CLSTN3: variants seen among roughly 807,000 people sequenced by gnomAD.
CLSTN3 encodes calsyntenin 3, also known as calsyntenin-3.
Under a neutral mutation model 95.9 loss-of-function variants are expected in CLSTN3, and 36 were observed. The ratio of observed to expected loss-of-function variants is 0.38; its 90% CI spans 0.29 to 0.50. The LOEUF (loss-of-function observed/expected upper bound fraction) is 0.50. CLSTN3 is among the 20% of genes least tolerant of loss of function. The probability of loss-of-function intolerance (pLI) is 0.95; values close to 1 mark genes in which losing one functional copy is unlikely to be tolerated. For missense variants in CLSTN3, 1,084 were observed against 1,268.8 expected (o/e 0.85, Z 2.21); for synonymous variants, 481 against 504.0 (o/e 0.95, Z 0.61).
chr12:7,132,160 G>T (rs1336203800), intron 1 of CLSTN3, among the ~76,000 whole-genome samples: 1 of 152,174 alleles, frequency 6.6e-6, no homozygotes, highest in Non-Finnish European at 1.5e-5. Context: ...TTGGCTGGTG[G>T]TTGAAGGGAA....
intron 10 of CLSTN3, among the ~76,000 whole-genome samples, chr12:7,142,481 C>T (rs1939544614): frequency 6.6e-6 from 1 of 152,036 alleles, no homozygotes; most frequent in Non-Finnish European, 1.5e-5. Flanking sequence ...TCCTGGTCTC[C>T]CTGCATGTCA....
chr12:7,133,911 C>T lies in CLSTN3; in HGVS notation c.383+143C>T. The T allele has an allele frequency of 1.5e-6, 1 of 659,718 alleles. No individual in the cohort carries two copies. The allele number at this position is 659,718 out of a possible 1,614,324, so 40.9% of individuals were successfully genotyped here. On this transcript the variant is annotated intron_variant, in intron 3 of 17. Coordinates refer to ENST00000266546, the MANE Select transcript of CLSTN3 (RefSeq NM_014718.4). The surrounding 1 kb of genome is among the most constrained non-coding windows in gnomAD (Gnocchi z 4.7). Reference sequence around the variant, plus strand: ...AGGACTTAGGGAGCCCCATCCCCTGCTGTTCCTAGGATTTAGGGACTTTCA... The same window carrying T: ...AGGACTTAGGGAGCCCCATCCCCTGTTGTTCCTAGGATTTAGGGACTTTCA...
At chr12:7,153,014 C>T (rs2135816689) in intron 16 of CLSTN3, among the ~76,000 whole-genome samples, 1 of 152,328 alleles carries the variant, frequency 6.6e-6, no homozygotes, top group South Asian at 2.1e-4. Flanking sequence ...TGACTGAGGC[C>T]AGCTCCTCTG....
intron 10 of CLSTN3, 115 bp from the exon 11 acceptor site, chr12:7,142,751 CCTT>C (rs1939551169): frequency 4.0e-6 from 2 of 503,520 alleles, no homozygotes; most frequent in Non-Finnish European, 6.3e-6. Flanking sequence ...CCACATTTCT[CCTT>C]TTTTTCTTTC....
At chr12:7,132,848 A>G in intron 1 of CLSTN3, 176 bp from the exon 2 acceptor site, 1 of 762,112 alleles carries the variant, frequency 1.3e-6, no homozygotes, top group Non-Finnish European at 2.2e-6. Context: ...AGACCCTCTG[A>G]CTCCTTTAGT....
At position 7,142,849 on chromosome 12, in the gene CLSTN3, C is replaced by T. The variant is rs374899977; in HGVS notation, c.1541-20C>T. 8 of 1,612,948 alleles carry T rather than the reference C, an allele frequency of 5.0e-6. No homozygotes were observed. Among genetic ancestry groups the T allele is most frequent in the Non-Finnish European group, 6.8e-6 (8 of 1,179,356 alleles). The stretch of plus-strand genomic sequence containing the variant: ...TCCTCTCTTCTCACCTCCCGTCCTG[C>T]TCCTGTGTTCCTACCCTAGGAGACC... On this transcript the variant is annotated intron_variant, in intron 10 of 17. Coordinates refer to ENST00000266546, the MANE Select transcript of CLSTN3 (RefSeq NM_014718.4).
chr12:7,147,217 G>A (rs1158585017), intron 12 of CLSTN3, among the ~76,000 whole-genome samples: 1 of 151,718 alleles, frequency 6.6e-6, no homozygotes, highest in Non-Finnish European at 1.5e-5. Flanking sequence ...GGCCCCAAAT[G>A]GTGCCTGTGG....
At chr12:7,132,446 T>A in intron 1 of CLSTN3, 1 of 206,904 alleles carries the variant, frequency 4.8e-6, no homozygotes, top group Admixed American at 5.3e-5. Flanking sequence ...CCTATATATC[T>A]TCACTTCTCT....
At chr12:7,152,025 G>A (rs951473052) in intron 16 of CLSTN3, among the ~76,000 whole-genome samples, 3 of 146,922 alleles carry the variant, frequency 2.0e-5, no homozygotes, top group African/African-American at 7.5e-5. Context: ...CTGCACTCCA[G>A]TCTGGGAGAC....
At position 7,136,409 on chromosome 12, in the gene CLSTN3, A is replaced by G. The variant is rs370896693; in HGVS notation, c.928+18A>G. On this transcript the variant is annotated intron_variant, in intron 6 of 17. Coordinates refer to ENST00000266546, the MANE Select transcript of CLSTN3 (RefSeq NM_014718.4). ...ACTCTGTGGTAGGTGTGCCCCCAAC[A>G]CTGCCTCAGGCCTATCCCTTCCCAT... 1.2e-4 allele frequency: 195 copies of G among 1,587,274 alleles called. 1 individual carries two copies. In the African/African-American group the frequency reaches 2.3e-3, roughly 18 times the overall value.
chr12:7,135,991 C>CT (rs776104768), intron 5 of CLSTN3, 38 bp downstream of exon 5: 2 of 1,566,212 alleles, frequency 1.3e-6, no homozygotes, highest in Non-Finnish European at 1.7e-6. Flanking sequence ...TGTGAATCAT[C>CT]TTTTTTCTTG....
intron 6 of CLSTN3, 22 bp from the exon 7 acceptor site, chr12:7,136,807 G>A: frequency 6.2e-7 from 1 of 1,610,120 alleles, no homozygotes; most frequent in Middle Eastern, 1.7e-4. Flanking sequence ...TCTGACACTT[G>A]TGCCTCCTGG....
chr12:7,157,745 C>T lies in CLSTN3; in HGVS notation c.2730+54C>T, dbSNP rs778765926. ...TAGGGTCAAGACTGTGGAGCACACA[C>T]GGTGAGGACTCCTGAGGAGGGGCAG... On this transcript the variant is annotated intron_variant, in intron 17 of 17. Coordinates refer to ENST00000266546, the MANE Select transcript of CLSTN3 (RefSeq NM_014718.4). This position sits in a 1 kb window ranked among gnomAD's most constrained non-coding sequence, Gnocchi z 5.9. The T allele has an allele frequency of 2.5e-5, 39 of 1,530,608 alleles. No homozygotes were observed. The highest frequency in any genetic ancestry group is 1.4e-4 in the African/African-American group (10 of 72,628). The allele number at this position is 1,530,608 out of a possible 1,614,324, so 94.8% of individuals were successfully genotyped here.
chr12:7,150,440 C>T lies in CLSTN3; in HGVS notation c.2246-104C>T, dbSNP rs754694241. On this transcript the variant is annotated intron_variant, in intron 14 of 17. Coordinates refer to ENST00000266546, the MANE Select transcript of CLSTN3 (RefSeq NM_014718.4). This position sits in a 1 kb window ranked among gnomAD's most constrained non-coding sequence, Gnocchi z 4.0. ...CTTCTGCGGAGATGGGGCTGACCTGCTCTACAGCTTGTGTGGCGTCAGCTG... is the reference window on the plus strand; with the variant it reads ...CTTCTGCGGAGATGGGGCTGACCTGTTCTACAGCTTGTGTGGCGTCAGCTG... 3.8e-5 allele frequency: 53 copies of T among 1,393,704 alleles called. No individual in the cohort carries two copies. Among genetic ancestry groups the T allele is most frequent in the Non-Finnish European group, 4.9e-5 (50 of 1,030,242 alleles). The allele number at this position is 1,393,704 out of a possible 1,614,324, so 86.3% of individuals were successfully genotyped here.
At chr12:7,131,687 C>A (rs1939304332) in intron 1 of CLSTN3, 2 of 442,436 alleles carry the variant, frequency 4.5e-6, no homozygotes, top group South Asian at 1.6e-5. Flanking sequence ...GCAGAGGGCG[C>A]CCAGCCCTGC....
intron 12 of CLSTN3, among the ~76,000 whole-genome samples, chr12:7,148,011 C>T (rs1345928967): frequency 5.9e-5 from 9 of 152,038 alleles, no homozygotes; most frequent in African/African-American, 9.6e-5. Context: ...AAAAATTAGC[C>T]GGGTGTGGTG....
chr12:7,142,262 G>A (rs1939539835), intron 10 of CLSTN3, 123 bp downstream of exon 10: 3 of 787,822 alleles, frequency 3.8e-6, no homozygotes, highest in East Asian at 2.7e-5. Context: ...AGGGGGCAGA[G>A]CCTCCAAGAA....
Position 7,135,861 on chromosome 12 carries a change from C to A in CLSTN3, c.650C>A (p.Thr217Lys). ...QYSGERLYKF[T>K]VTAYDCGKKR... The stretch of plus-strand genomic sequence containing the variant: ...AGTGGTGAGAGGCTCTATAAGTTTA[C>A]AGTGACAGCTTATGACTGTGGGAAG... The change falls in exon 5 of 18, where the codon ACA (threonine) becomes AAA (lysine). Residue 217 changes from threonine (T) to lysine (K), a missense_variant. Transcript: ENST00000266546. 1 of 1,613,962 alleles carries A rather than the reference C, an allele frequency of 6.2e-7. No homozygotes were observed. Among genetic ancestry groups the A allele is most frequent in the South Asian group, 1.1e-5 (1 of 91,064 alleles).
chr12:7,143,034 C>T lies in CLSTN3; in HGVS notation c.1698+8C>T. 6.2e-7 allele frequency: 1 copy of T among 1,611,740 alleles called. No homozygotes were observed. The highest frequency in any genetic ancestry group is 8.5e-7 in the Non-Finnish European group (1 of 1,178,588). Reference sequence around the variant, plus strand: ...CTGGGCAAAGGCATGAAGGTATTGCCCCATCCTCTAGCCCTGTTCTTCCCA... The same window carrying T: ...CTGGGCAAAGGCATGAAGGTATTGCTCCATCCTCTAGCCCTGTTCTTCCCA... On this transcript the variant is annotated splice_region_variant and intron_variant, in intron 11 of 17. Transcript: ENST00000266546.
Sources: gnomAD v4.1 joint callset for allele counts (sites outside exome capture counted in the v4.1 genomes callset) on GRCh38, gnomAD v4.1.1 for gene constraint, Gnocchi (gnomAD v3.1) non-coding constraint, MANE v1.5 for transcripts, NCBI Gene and HGNC (gene_info 2026-07-23, HGNC 2026-07-21) for gene names.